CROT: variants seen among roughly 807,000 people sequenced by gnomAD.
CROT encodes the protein peroxisomal carnitine O-octanoyltransferase.
In CROT, 84 loss-of-function variants were observed where a neutral mutation model predicts 89.2. That is an observed-to-expected ratio of 0.94 (90% CI 0.79 to 1.13). The LOEUF is 1.13. CROT is among the 50% of genes most tolerant of loss of function. The probability of loss-of-function intolerance (pLI) is 0.00; values close to 1 mark genes in which losing one functional copy is unlikely to be tolerated. For synonymous variants in CROT, 212 were observed against 239.5 expected (o/e 0.89, Z 1.06); for missense variants, 711 against 727.8 (o/e 0.98, Z 0.27).
At chr7:87,378,579 T>C (rs1357146860) in intron 10 of CROT, among the ~76,000 whole-genome samples, 1 of 152,216 alleles carries the variant, frequency 6.6e-6, no homozygotes, top group Non-Finnish European at 1.5e-5. Context: ...CCCAATGTGA[T>C]TGTTGTACCA....
chr7:87,397,856 C>T (rs1562941833), intron 17 of CROT, among the ~76,000 whole-genome samples: 1 of 152,126 alleles, frequency 6.6e-6, no homozygotes, highest in South Asian at 2.1e-4. Flanking sequence ...TTACATTGCA[C>T]ATTTTAATTT....
chr7:87,382,235 T>C, intron 12 of CROT, 54 bp downstream of exon 12: 1 of 1,490,568 alleles, frequency 6.7e-7, no homozygotes, highest in Non-Finnish European at 9.3e-7. Flanking sequence ...TTAACAACCA[T>C]ATGTAAAAAT....
rs554265844 is a variant in CROT, at chr7:87,392,836, A to G, written c.1598+13A>G. On this transcript the variant is annotated intron_variant, in intron 16 of 17. Coordinates refer to ENST00000331536, the MANE Select transcript of CROT (RefSeq NM_021151.4). The stretch of plus-strand genomic sequence containing the variant: ...TTTTTTCCAAAAGGTAATATAGTGT[A>G]GTGTTTTACAGCTTCATCAATTGGC... 9 of 1,610,202 alleles carry G rather than the reference A, an allele frequency of 5.6e-6. No homozygotes were observed. The South Asian group carries it at 8.8e-5, about 16-fold the overall frequency.
chr7:87,393,109 G>C (rs1313386682), intron 17 of CROT, 42 bp downstream of exon 17: 2 of 1,588,076 alleles, frequency 1.3e-6, no homozygotes, highest in South Asian at 2.3e-5. Flanking sequence ...TATAGAGTAG[G>C]AAAGGTATTA....
intron 9 of CROT, among the ~76,000 whole-genome samples, chr7:87,376,229 T>C (rs1412106418): frequency 1.3e-5 from 2 of 152,076 alleles, no homozygotes; most frequent in Non-Finnish European, 2.9e-5. Flanking sequence ...ACCTTTTCAT[T>C]GCTTGCCTAC....
chr7:87,350,994 G>A (rs960124710), intron 3 of CROT, among the ~76,000 whole-genome samples: 4 of 151,454 alleles, frequency 2.6e-5, no homozygotes, highest in Non-Finnish European at 5.9e-5. Flanking sequence ...ATAGTGGCTG[G>A]TGTCTTTTTG....
At chr7:87,374,590 G>C (rs968908120) in intron 7 of CROT, among the ~76,000 whole-genome samples, 1 of 152,038 alleles carries the variant, frequency 6.6e-6, no homozygotes, top group African/African-American at 2.4e-5. Flanking sequence ...AAGAAAGTAA[G>C]CAGGAAGAGA....
intron 10 of CROT, among the ~76,000 whole-genome samples, chr7:87,381,645 T>C (rs995160732): frequency 2.6e-5 from 4 of 152,234 alleles, no homozygotes; most frequent in African/African-American, 9.6e-5. Flanking sequence ...TTATATGTTA[T>C]TTTATACACC....
At chr7:87,345,808 A>C (rs531233706) in intron 1 of CROT, 41 bp downstream of exon 1, 16 of 204,890 alleles carry the variant, frequency 7.8e-5, no homozygotes, top group African/African-American at 3.7e-4. Flanking sequence ...TAATCCTTCA[A>C]CTCGGGGGCG....
At chr7:87,373,566 G>A (rs1227595559) in intron 7 of CROT, among the ~76,000 whole-genome samples, 1 of 152,024 alleles carries the variant, frequency 6.6e-6, no homozygotes, top group East Asian at 1.9e-4. Flanking sequence ...GTGGGAAGGG[G>A]GAGATAATGT....
chr7:87,379,195 T>C (rs1476393624), intron 10 of CROT, among the ~76,000 whole-genome samples: 1 of 152,198 alleles, frequency 6.6e-6, no homozygotes, highest in African/African-American at 2.4e-5. Context: ...ACCCTCTGCA[T>C]ACATATTTTG....
intron 13 of CROT, among the ~76,000 whole-genome samples, chr7:87,382,886 C>G (rs1355765284): frequency 1.3e-5 from 2 of 152,166 alleles, no homozygotes; most frequent in African/African-American, 2.4e-5. Flanking sequence ...AATTATCCAG[C>G]CTTTACTCAT....
At chr7:87,376,532 A>G (rs192389515) in intron 9 of CROT, among the ~76,000 whole-genome samples, 12 of 152,214 alleles carry the variant, frequency 7.9e-5, no homozygotes, top group Non-Finnish European at 1.8e-4. Context: ...TAGAAATCTC[A>G]TAGTCTTTTG....
intron 7 of CROT, among the ~76,000 whole-genome samples, chr7:87,372,909 T>C (rs1437188206): frequency 6.6e-6 from 1 of 152,146 alleles, no homozygotes; most frequent in East Asian, 1.9e-4. Context: ...AATAGACAAA[T>C]AGTAAATTAT....
Position 87,376,175 on chromosome 7 carries a change from T to TATTTAAAAATAAATACTTTA in CROT, c.876+222_876+223insATTTAAAAATAAATACTTTA, listed in dbSNP as rs1250700544. ...TTGTTTAGCTATATATTATACTTTG[T>TATTTAAAAATAAATACTTTA]TTAAAGAAGTATGACTTTGCATATC... On this transcript the variant is annotated intron_variant, in intron 9 of 17. Coordinates refer to ENST00000331536, the MANE Select transcript of CROT (RefSeq NM_021151.4). Among the ~76,000 whole-genome samples the TATTTAAAAATAAATACTTTA allele has an allele frequency of 3.9e-5, 6 of 152,216 alleles. No homozygotes were observed. The East Asian group carries it at 9.6e-4, about 24-fold the overall frequency.
intron 10 of CROT, among the ~76,000 whole-genome samples, 159 bp downstream of exon 10, chr7:87,377,609 A>T (rs578236042): frequency 1.3e-5 from 2 of 152,324 alleles, no homozygotes; most frequent in East Asian, 3.9e-4. Flanking sequence ...TTGAAAGTAT[A>T]GGACAAGTTA....
chr7:87,376,121 T>C lies in CROT; in HGVS notation c.876+168T>C, dbSNP rs185823412. Among the ~76,000 whole-genome samples, 184 of 152,174 alleles carry C rather than the reference T, an allele frequency of 1.2e-3. 1 individual carries two copies. The highest frequency in any genetic ancestry group is 4.1e-3 in the African/African-American group (170 of 41,562). On this transcript the variant is annotated intron_variant, in intron 9 of 17. Coordinates refer to ENST00000331536, the MANE Select transcript of CROT (RefSeq NM_021151.4). Reference sequence around the variant, plus strand: ...TGAAGCTTATAAAGTAGATAGTAAATTGGTAAATCCTTGCCACATTGTTTA... The same window carrying C: ...TGAAGCTTATAAAGTAGATAGTAAACTGGTAAATCCTTGCCACATTGTTTA...
chr7:87,366,999 A>G (rs1806467970), intron 6 of CROT, among the ~76,000 whole-genome samples: 1 of 152,182 alleles, frequency 6.6e-6, no homozygotes, highest in Non-Finnish European at 1.5e-5. Flanking sequence ...TTTTCACAAC[A>G]GATATGAGCA....
intron 2 of CROT, among the ~76,000 whole-genome samples, chr7:87,348,344 T>C (rs1385901959): frequency 6.6e-6 from 1 of 152,192 alleles, no homozygotes; most frequent in Admixed American, 6.5e-5. Flanking sequence ...ATGTTCAAGA[T>C]TGCTTTGGAA....
Sources: gnomAD v4.1 joint callset for allele counts (sites outside exome capture counted in the v4.1 genomes callset) on GRCh38, gnomAD v4.1.1 for gene constraint, MANE v1.5 for transcripts, NCBI Gene and HGNC (gene_info 2026-07-23, HGNC 2026-07-21) for gene names.